The following SDK1 variants were observed in gnomAD, a reference collection of about 807,000 sequenced individuals.
SDK1 encodes protein sidekick-1.
A neutral mutation model predicts 245.5 loss-of-function variants in SDK1; 157 were observed. That is an observed-to-expected ratio of 0.64 (90% confidence interval 0.56 to 0.73). The LOEUF is 0.73. SDK1 is among the 30% of genes least tolerant of loss of function. The pLI is 0.00. For missense variants in SDK1, 3,583 were observed against 3,002.3 expected (o/e 1.19, Z -4.52); for synonymous variants, 1,647 against 1,278.5 (o/e 1.29, Z -6.15).
chr7:3,964,376 G>GA (rs1245781621), intron 9 of SDK1, among the ~76,000 whole-genome samples: 1 of 152,130 alleles, frequency 6.6e-6, no homozygotes, highest in East Asian at 1.9e-4. Flanking sequence ...AGGAGAAGTA[G>GA]AAAAAACTCC....
At chr7:4,049,593 G>A (rs1789289772) in intron 18 of SDK1, 130 bp downstream of exon 18, 4 of 654,282 alleles carry the variant, frequency 6.1e-6, no homozygotes, top group African/African-American at 3.6e-5. Flanking sequence ...CTTGACCTTG[G>A]TGAGACCACC....
In SDK1 at chr7:4,011,732, A is replaced by G. The variant is rs535965489; in HGVS notation, c.2280-363A>G. On this transcript the variant is annotated intron_variant, in intron 15 of 44. Transcript: ENST00000404826. Reference sequence around the variant, plus strand: ...TTTTTCTTCAAAATGTGGGAGTTTGATATGAGAAATATTGAAAGAGCCGGA... The same window carrying G: ...TTTTTCTTCAAAATGTGGGAGTTTGGTATGAGAAATATTGAAAGAGCCGGA... 3.9e-5 allele frequency among the ~76,000 whole-genome samples: 6 copies of G among 152,252 alleles called. No individual in the cohort carries two copies. The East Asian group carries it at 1.2e-3, about 29-fold the overall frequency.
intron 5 of SDK1, among the ~76,000 whole-genome samples, chr7:3,822,673 C>A (rs968024515): frequency 1.3e-4 from 20 of 151,236 alleles, no homozygotes; most frequent in African/African-American, 4.6e-4. Context: ...GAGGCTGAGG[C>A]AGGAGAGTCA....
chr7:3,474,560 C>T (rs531838696), intron 1 of SDK1, among the ~76,000 whole-genome samples: 1 of 152,122 alleles, frequency 6.6e-6, no homozygotes, highest in Non-Finnish European at 1.5e-5. Flanking sequence ...TTACCTCTCC[C>T]TCACACTTTG....
At chr7:3,400,636 T>C (rs4337998) in intron 1 of SDK1, among the ~76,000 whole-genome samples, 9,498 of 152,252 alleles carry the variant, frequency 0.062, 827 homozygotes, top group African/African-American at 0.2. Flanking sequence ...TTACCTCAGA[T>C]GGTGGCAGAC....
At chr7:3,493,606 A>G (rs565113008) in intron 1 of SDK1, among the ~76,000 whole-genome samples, 1 of 152,340 alleles carries the variant, frequency 6.6e-6, no homozygotes, top group East Asian at 1.9e-4. Flanking sequence ...AAAGGAAAGC[A>G]GAATTATAGA....
chr7:3,430,883 C>G (rs1779825738), intron 1 of SDK1, among the ~76,000 whole-genome samples: 1 of 152,090 alleles, frequency 6.6e-6, no homozygotes, highest in Non-Finnish European at 1.5e-5. Flanking sequence ...GCCTCTGGCT[C>G]TCTGTCTTTT....
chr7:3,490,303 G>A (rs946998878), intron 1 of SDK1, among the ~76,000 whole-genome samples: 6 of 152,294 alleles, frequency 3.9e-5, no homozygotes, highest in South Asian at 4.1e-4. Context: ...CCAATTAGCC[G>A]AAGAGAAATG....
intron 22 of SDK1, among the ~76,000 whole-genome samples, chr7:4,080,081 T>C (rs1053452697): frequency 3.3e-5 from 5 of 151,988 alleles, no homozygotes; most frequent in Non-Finnish European, 7.4e-5. Context: ...AAGTGCTGTC[T>C]GGGAAAGAAA....
At chr7:4,080,340 C>T (rs922357453) in intron 22 of SDK1, among the ~76,000 whole-genome samples, 3 of 152,040 alleles carry the variant, frequency 2.0e-5, no homozygotes, top group African/African-American at 7.2e-5. Flanking sequence ...ATTGGTGAAG[C>T]CGTGCAATCT....
rs189594229 is a variant in SDK1 at position 3,364,380 on chromosome 7, C to T, written c.298+62496C>T. On this transcript the variant is annotated intron_variant, in intron 1 of 44. Transcript: ENST00000404826. The stretch of plus-strand genomic sequence containing the variant: ...CCTAGACTTGGATCCTGAAAATTTT[C>T]TCGTGTGTTGGTTTCTTTTAAAAGT... Among the ~76,000 whole-genome samples, 124 of 152,240 alleles carry T rather than the reference C, an allele frequency of 8.1e-4. 1 individual carries two copies. The highest frequency in any genetic ancestry group is 3.4e-3 in the Middle Eastern group (1 of 294).
At chr7:4,107,399 G>C (rs993697466) in intron 22 of SDK1, among the ~76,000 whole-genome samples, 49 of 152,200 alleles carry the variant, frequency 3.2e-4, no homozygotes, top group African/African-American at 1.1e-3. Context: ...CCTGACTGCT[G>C]GCTCTTTCCT....
intron 20 of SDK1, among the ~76,000 whole-genome samples, chr7:4,070,627 T>C (rs1780189724): frequency 6.6e-6 from 1 of 151,858 alleles, no homozygotes; most frequent in Admixed American, 6.6e-5. Context: ...CCTGTAATCA[T>C]CTGTGCCAAC....
intron 1 of SDK1, among the ~76,000 whole-genome samples, chr7:3,325,679 T>C (rs1164101074): frequency 6.6e-6 from 1 of 152,134 alleles, no homozygotes; most frequent in Non-Finnish European, 1.5e-5. Flanking sequence ...ATTATTAATA[T>C]TGCTAAATAA....
intron 4 of SDK1, among the ~76,000 whole-genome samples, chr7:3,757,294 T>G (rs1779960615): frequency 6.6e-6 from 1 of 152,190 alleles, no homozygotes; most frequent in Non-Finnish European, 1.5e-5. Context: ...TTCCTTTTTT[T>G]GAGACAAGGT....
intron 41 of SDK1, among the ~76,000 whole-genome samples, chr7:4,234,164 A>G (rs1023738580): frequency 2.6e-5 from 4 of 152,200 alleles, no homozygotes; most frequent in Admixed American, 6.5e-5. Flanking sequence ...GGCCGGGGAT[A>G]GTAGCTGCTC....
chr7:3,649,379 C>A (rs1440893692), intron 4 of SDK1, among the ~76,000 whole-genome samples: 1 of 151,986 alleles, frequency 6.6e-6, no homozygotes, highest in Admixed American at 6.6e-5. Context: ...AAATTGCCAT[C>A]CCAATCAAGA....
chr7:3,821,825 A>T (rs1779654087), intron 5 of SDK1, among the ~76,000 whole-genome samples: 2 of 145,894 alleles, frequency 1.4e-5, no homozygotes, highest in Admixed American at 1.3e-4. Context: ...TTTGGGAATT[A>T]AAAAAAAAAG....
chr7:3,468,513 A>T (rs995658343), intron 1 of SDK1, among the ~76,000 whole-genome samples: 5 of 152,136 alleles, frequency 3.3e-5, no homozygotes, highest in African/African-American at 1.2e-4. Flanking sequence ...TAAAAGTATT[A>T]CTCTAACTTT....
Sources: allele counts gnomAD v4.1 joint callset (sites outside exome capture counted in the v4.1 genomes callset), GRCh38; gene constraint gnomAD v4.1.1; transcripts MANE v1.5; gene names NCBI Gene and HGNC (gene_info 2026-07-23, HGNC 2026-07-21).